Variants in CERKL observed in about 807,000 individuals in gnomAD.
CERKL encodes the protein ceramide kinase-like protein.
A neutral mutation model predicts 63.4 loss-of-function variants in CERKL; 61 were observed. The observed-to-expected ratio is 0.96, with a 90% CI of 0.78 to 1.19. CERKL has a LOEUF of 1.19. CERKL is among the 50% of genes most tolerant of loss of function. The probability of loss-of-function intolerance (pLI) is 0.00; values close to 1 mark genes in which losing one functional copy is unlikely to be tolerated. For missense variants in CERKL, 675 were observed against 655.5 expected (o/e 1.03, Z -0.33); for synonymous variants, 250 against 230.5 (o/e 1.08, Z -0.77).
chr2:181,556,102 A>C (rs907239775), intron 5 of CERKL, among the ~76,000 whole-genome samples: 36 of 152,126 alleles, frequency 2.4e-4, no homozygotes, highest in African/African-American at 8.4e-4. Flanking sequence ...CTAATTACCC[A>C]CCCAAAGTCA....
At chr2:181,548,290 A>C in intron 8 of CERKL, 2 of 537,932 alleles carry the variant, frequency 3.7e-6, no homozygotes, top group Admixed American at 3.6e-5. Context: ...AGAAAGGGGA[A>C]GGGAAGGGAA....
At chr2:181,652,936 G>A (rs562294723) in intron 1 of CERKL, among the ~76,000 whole-genome samples, 23 of 152,106 alleles carry the variant, frequency 1.5e-4, no homozygotes, top group East Asian at 5.8e-4. Context: ...CACCACACCC[G>A]GCTAATTTTT....
At chr2:181,580,238 T>G (rs1684446048) in intron 2 of CERKL, among the ~76,000 whole-genome samples, 1 of 151,940 alleles carries the variant, frequency 6.6e-6, no homozygotes, top group Admixed American at 6.6e-5. Flanking sequence ...CAGTACCATG[T>G]TAAACATTTT....
chr2:181,649,057 T>C (rs1395394459), intron 1 of CERKL, among the ~76,000 whole-genome samples: 1 of 151,912 alleles, frequency 6.6e-6, no homozygotes, highest in Non-Finnish European at 1.5e-5. Flanking sequence ...ATGGGAGAAA[T>C]AAGTTCTTAT....
intron 1 of CERKL, among the ~76,000 whole-genome samples, chr2:181,612,014 C>G (rs1336450378): frequency 6.6e-6 from 1 of 152,156 alleles, no homozygotes; most frequent in Non-Finnish European, 1.5e-5. Context: ...GTGTTACACA[C>G]CAAACGCTGT....
At chr2:181,539,754 T>C (rs1317210530) in intron 11 of CERKL, among the ~76,000 whole-genome samples, 2 of 152,194 alleles carry the variant, frequency 1.3e-5, no homozygotes, top group Non-Finnish European at 2.9e-5. Flanking sequence ...ATATGGATTT[T>C]AAAAGGTGTT....
intron 1 of CERKL, among the ~76,000 whole-genome samples, chr2:181,616,967 T>C (rs977278406): frequency 6.6e-6 from 1 of 152,224 alleles, no homozygotes; most frequent in Non-Finnish European, 1.5e-5. Flanking sequence ...AAACGATTTT[T>C]ATAATAATAC....
At chr2:181,632,093 T>C (rs1484057565) in intron 1 of CERKL, among the ~76,000 whole-genome samples, 1 of 152,242 alleles carries the variant, frequency 6.6e-6, no homozygotes, top group African/African-American at 2.4e-5. Context: ...GTTTGTTGTT[T>C]TTCACTAGTT....
At chr2:181,635,615 CTCAATTGTATTGA>C (rs1310460846) in intron 1 of CERKL, among the ~76,000 whole-genome samples, 2 of 152,142 alleles carry the variant, frequency 1.3e-5, no homozygotes, top group African/African-American at 2.4e-5. Context: ...CTAACAGCTG[CTCAATTGTATTGA>C]TCTTATTTTT....
intron 1 of CERKL, among the ~76,000 whole-genome samples, chr2:181,605,374 T>C (rs370526145): frequency 2.5e-4 from 38 of 152,306 alleles, no homozygotes; most frequent in African/African-American, 7.9e-4. Context: ...GCTGAAAGTA[T>C]TGATCAGCAG....
rs1239922548 is a variant in CERKL at position 181,595,059 on chromosome 2, T to C, written c.481+8778A>G. Among the ~76,000 whole-genome samples, 7 of 152,142 alleles carry C rather than the reference T, an allele frequency of 4.6e-5. No homozygotes were observed. The South Asian group carries it at 8.3e-4, about 18-fold the overall frequency. ...CATCATTTATTTTCAGTGACAGAAGTTATTAAGTGATAATCCATTATACTC... is the reference window on the plus strand; with the variant it reads ...CATCATTTATTTTCAGTGACAGAAGCTATTAAGTGATAATCCATTATACTC... On this transcript the variant is annotated intron_variant, in intron 2 of 12. Transcript: ENST00000410087.
chr2:181,642,999 G>C (rs1319530631), intron 1 of CERKL, among the ~76,000 whole-genome samples: 1 of 152,094 alleles, frequency 6.6e-6, no homozygotes, highest in Non-Finnish European at 1.5e-5. Flanking sequence ...TGAGTAAGGC[G>C]AGCAAAGGGC....
intron 1 of CERKL, among the ~76,000 whole-genome samples, chr2:181,610,461 T>C (rs982916345): frequency 2.6e-5 from 4 of 152,236 alleles, no homozygotes; most frequent in African/African-American, 4.8e-5. Flanking sequence ...ATTGCACTAA[T>C]ATTTATAATA....
intron 2 of CERKL, among the ~76,000 whole-genome samples, chr2:181,580,028 A>G (rs1395007051): frequency 6.6e-6 from 1 of 151,864 alleles, no homozygotes; most frequent in Non-Finnish European, 1.5e-5. Context: ...ACTTTAAAGA[A>G]TTTTTCACAT....
chr2:181,560,762 C>G (rs1051700914), intron 4 of CERKL, among the ~76,000 whole-genome samples: 8 of 151,944 alleles, frequency 5.3e-5, no homozygotes, highest in Non-Finnish European at 1.2e-4. Flanking sequence ...GATACCTTTT[C>G]TATATATGAA....
rs1686361749 is a variant in CERKL, at chr2:181,619,624, A to G, written c.239-15545T>C. ...AAAATCCCTTAATCACACTGTATAC[A>G]TTTCCACCTCTGGACCTTTGCTCCT... On this transcript the variant is annotated intron_variant, in intron 1 of 12. Coordinates refer to ENST00000410087, the MANE Select transcript of CERKL (RefSeq NM_201548.5). Among the ~76,000 whole-genome samples the G allele has an allele frequency of 2.0e-5, 3 of 152,164 alleles. No homozygotes were observed. The South Asian group carries it at 6.2e-4, about 32-fold the overall frequency.
At chr2:181,592,859 T>G (rs1469830384) in intron 2 of CERKL, among the ~76,000 whole-genome samples, 1 of 152,038 alleles carries the variant, frequency 6.6e-6, no homozygotes, top group Non-Finnish European at 1.5e-5. Context: ...CAAGAAATCA[T>G]GATGATGATG....
chr2:181,542,571 A>AC (rs1248986250), intron 11 of CERKL, among the ~76,000 whole-genome samples: 1 of 151,764 alleles, frequency 6.6e-6, no homozygotes, highest in Non-Finnish European at 1.5e-5. Context: ...GAAAGCAGTC[A>AC]CCCTGGGAAT....
At chr2:181,591,840 G>A (rs1418124599) in intron 2 of CERKL, among the ~76,000 whole-genome samples, 1 of 152,178 alleles carries the variant, frequency 6.6e-6, no homozygotes, top group African/African-American at 2.4e-5. Context: ...ACCACTAGGA[G>A]TATATTTAGC....
Sources: allele counts gnomAD v4.1 joint callset (sites outside exome capture counted in the v4.1 genomes callset), GRCh38; gene constraint gnomAD v4.1.1; transcripts MANE v1.5; gene names NCBI Gene and HGNC (gene_info 2026-07-23, HGNC 2026-07-21).